Variants in PFDN1 observed in about 807,000 individuals in gnomAD.
The protein encoded by PFDN1 is prefoldin 1.
PFDN1 carries 6 observed loss-of-function variants against 17.3 expected under a neutral mutation model. The ratio of observed to expected loss-of-function variants is 0.35; its 90% CI spans 0.19 to 0.69. The LOEUF (loss-of-function observed/expected upper bound fraction) is 0.69, where lower values mean the gene tolerates loss of function less well. PFDN1 is among the 30% of genes least tolerant of loss of function. PFDN1 has a pLI of 0.65. For synonymous variants in PFDN1, 58 were observed against 50.1 expected, an observed-to-expected ratio of 1.16 and a Z score of -0.67; for missense variants, 113 against 146.2, an observed-to-expected ratio of 0.77 and a Z score of 1.17.
chr5:140,272,363 A>ATTT (rs34993514), intron 3 of PFDN1, among the ~76,000 whole-genome samples: 11,594 of 136,772 alleles, frequency 0.085, 640 homozygotes, highest in South Asian at 0.13. Context: ...TGGTAAAACC[A>ATTT]TTTTTTTTTT....
At chr5:140,296,792 A>C in intron 2 of PFDN1, among the ~76,000 whole-genome samples, 1 of 152,212 alleles carries the variant, frequency 6.6e-6, no homozygotes, top group East Asian at 1.9e-4. Flanking sequence ...ACATCTCAAA[A>C]TTCTTCTCAA....
rs112730588 is a variant in PFDN1, at chr5:140,271,582, G to A, written c.285+9867C>T. ...AATTTTAATCATCAGGAGTGTAAAC[G>A]TTTTATACTTCTTCCCAGGATGCAA... On this transcript the variant is annotated intron_variant, in intron 3 of 3. Coordinates refer to ENST00000261813, the MANE Select transcript of PFDN1 (RefSeq NM_002622.5). Among the ~76,000 whole-genome samples the A allele has an allele frequency of 8.8e-3, 1,338 of 152,270 alleles. 18 individuals carry two copies. Among genetic ancestry groups the A allele is most frequent in the African/African-American group, 0.03 (1,263 of 41,548 alleles).
intron 1 of PFDN1, 22 bp from the exon 2 acceptor site, chr5:140,300,604 T>C: frequency 6.5e-7 from 1 of 1,542,074 alleles, no homozygotes; most frequent in African/African-American, 1.4e-5. Context: ...AAGTCCATGA[T>C]TTAGTAGGTA....
In PFDN1 at chr5:140,254,484, C is replaced by A. The variant is rs56357755; in HGVS notation, c.286-8427G>T. On this transcript the variant is annotated intron_variant, in intron 3 of 3. Transcript: ENST00000261813. The surrounding 1 kb of genome is among the most constrained non-coding windows in gnomAD (Gnocchi z 4.4). ...ACTCCCCCCTCCTTGTTGCTTCAAT[C>A]TTCCAGTATCCTGGGCACTATCCGT... Among the ~76,000 whole-genome samples the A allele has an allele frequency of 1.1e-4, 17 of 152,298 alleles. No homozygotes were observed. The highest frequency in any genetic ancestry group is 1.0e-4 in the Non-Finnish European group (7 of 68,022).
chr5:140,248,172 G>A (rs966984269), intron 3 of PFDN1, among the ~76,000 whole-genome samples: 9 of 150,552 alleles, frequency 6.0e-5, no homozygotes, highest in African/African-American at 1.7e-4. Context: ...GGGTTCACAC[G>A]ATTCTCCCGC....
At chr5:140,296,421 T>A (rs1346059237) in intron 2 of PFDN1, among the ~76,000 whole-genome samples, 1 of 152,156 alleles carries the variant, frequency 6.6e-6, no homozygotes, top group Non-Finnish European at 1.5e-5. Flanking sequence ...CCGACCCATT[T>A]AAACACACCT....
rs1765512088 is a variant in PFDN1 at position 140,287,308 on chromosome 5, G to C, written c.201-5775C>G. On this transcript the variant is annotated intron_variant, in intron 2 of 3. Coordinates refer to ENST00000261813, the MANE Select transcript of PFDN1 (RefSeq NM_002622.5). ...TGGTATCGAAGAGTCGGAGATATCAGTATAAACTCACAATCAGCTTAGTAT... is the reference window on the plus strand; with the variant it reads ...TGGTATCGAAGAGTCGGAGATATCACTATAAACTCACAATCAGCTTAGTAT... 2.0e-5 allele frequency among the ~76,000 whole-genome samples: 3 copies of C among 152,344 alleles called. 1 individual carries two copies. The South Asian group carries it at 6.2e-4, about 32-fold the overall frequency.
At chr5:140,253,424 G>GA (rs986491519) in intron 3 of PFDN1, among the ~76,000 whole-genome samples, 4 of 152,134 alleles carry the variant, frequency 2.6e-5, no homozygotes, top group South Asian at 2.1e-4. Context: ...TACACGAGGG[G>GA]AAAAAATTCT....
intron 3 of PFDN1, chr5:140,273,844 G>A (rs1765249363): frequency 2.1e-6 from 2 of 933,164 alleles, no homozygotes; most frequent in Non-Finnish European, 2.6e-6. Flanking sequence ...CAGAGGGGAA[G>A]GAAGCTGGTG....
intron 3 of PFDN1, among the ~76,000 whole-genome samples, chr5:140,275,396 G>A (rs1353093917): frequency 4.9e-5 from 7 of 142,636 alleles, no homozygotes; most frequent in East Asian, 2.0e-4. Context: ...GAGACAGAAC[G>A]AGACTCTGTC....
At chr5:140,269,687 C>CAG (rs1190011331) in intron 3 of PFDN1, among the ~76,000 whole-genome samples, 1 of 152,090 alleles carries the variant, frequency 6.6e-6, no homozygotes, top group Non-Finnish European at 1.5e-5. Flanking sequence ...TGCTTTCCTC[C>CAG]ATCTTTTCAT....
intron 3 of PFDN1, among the ~76,000 whole-genome samples, chr5:140,259,948 C>A (rs1765039837): frequency 6.6e-6 from 1 of 152,070 alleles, no homozygotes; most frequent in East Asian, 1.9e-4. Context: ...GTATTATTGG[C>A]CAAAAAGCAC....
At chr5:140,247,065 C>T (rs1764840627) in intron 3 of PFDN1, among the ~76,000 whole-genome samples, 1 of 152,162 alleles carries the variant, frequency 6.6e-6, no homozygotes, top group Non-Finnish European at 1.5e-5. Context: ...ATTAAAGTGC[C>T]CACAGGACTC....
chr5:140,286,411 C>CAAAA (rs70988742), intron 2 of PFDN1, among the ~76,000 whole-genome samples: 3 of 83,502 alleles, frequency 3.6e-5, no homozygotes, highest in Non-Finnish European at 6.8e-5. Context: ...GACTCTGTCT[C>CAAAA]AAAAAAAAAA....
At chr5:140,282,878 G>C (rs899725502) in intron 2 of PFDN1, among the ~76,000 whole-genome samples, 2 of 152,126 alleles carry the variant, frequency 1.3e-5, no homozygotes, top group African/African-American at 4.8e-5. Context: ...AATTAATTAA[G>C]CAAGATTTTT....
intron 3 of PFDN1, among the ~76,000 whole-genome samples, chr5:140,263,818 G>A (rs372197870): frequency 2.8e-4 from 43 of 151,670 alleles, no homozygotes; most frequent in African/African-American, 7.5e-4. Flanking sequence ...TCAGGAGATC[G>A]AGACCATCCT....
At chr5:140,271,613 C>T (rs1265800814) in intron 3 of PFDN1, among the ~76,000 whole-genome samples, 1 of 152,108 alleles carries the variant, frequency 6.6e-6, no homozygotes, top group Non-Finnish European at 1.5e-5. Flanking sequence ...TGCAAGCTCT[C>T]CTGGAGTGTG....
chr5:140,258,258 A>T (rs2126680733), intron 3 of PFDN1, among the ~76,000 whole-genome samples: 1 of 152,206 alleles, frequency 6.6e-6, no homozygotes. Flanking sequence ...GCTTCCCAAA[A>T]ACGTCCTATG....
chr5:140,261,161 CAAAAAAAAAAA>C (rs773165928), intron 3 of PFDN1, among the ~76,000 whole-genome samples: 1 of 48,024 alleles, frequency 2.1e-5, no homozygotes, highest in Non-Finnish European at 4.1e-5. Flanking sequence ...GACTCCATCT[CAAAAAAAAAAA>C]AAAAAAAAAG....
Sources: allele counts gnomAD v4.1 joint callset (sites outside exome capture counted in the v4.1 genomes callset), GRCh38; gene constraint gnomAD v4.1.1; non-coding constraint Gnocchi (gnomAD v3.1); transcripts MANE v1.5; gene names NCBI Gene and HGNC (gene_info 2026-07-23, HGNC 2026-07-21).